HS6ST2: variants seen among roughly 807,000 people sequenced by gnomAD.
HS6ST2 encodes heparan sulfate 6-O-sulfotransferase 2.
In HS6ST2, 17 loss-of-function variants were observed where a neutral mutation model predicts 33.0. That is an observed-to-expected ratio of 0.52 (90% CI 0.35 to 0.77). The LOEUF (loss-of-function observed/expected upper bound fraction) is 0.77. Ranked by LOEUF, HS6ST2 falls within the 30% of genes least tolerant of loss-of-function variation. The pLI is 0.01. For synonymous variants in HS6ST2, 248 were observed against 237.1 expected, an observed-to-expected ratio of 1.05 and a Z score of -0.42; for missense variants, 519 against 551.7, an observed-to-expected ratio of 0.94 and a Z score of 0.59.
chrX:132,890,877 G>A (rs35115789), intron 2 of HS6ST2, among the ~76,000 whole-genome samples: 2,882 of 111,131 alleles, frequency 0.026, 115 homozygotes, highest in Admixed American at 0.17. Flanking sequence ...TATCTAAAAG[G>A]CCTAGTGCAT....
intron 2 of HS6ST2, among the ~76,000 whole-genome samples, chrX:132,814,364 T>A (rs1306021899): frequency 8.9e-6 from 1 of 112,139 alleles, no homozygotes; most frequent in East Asian, 2.8e-4. Flanking sequence ...TCAGTTTGAA[T>A]CTGGAGTCTG....
chrX:132,926,781 G>T (rs1388678334), intron 2 of HS6ST2, among the ~76,000 whole-genome samples: 1 of 111,198 alleles, frequency 9.0e-6, no homozygotes, highest in Non-Finnish European at 1.9e-5. Flanking sequence ...AAATTAGCTG[G>T]GCATGGTGGT....
At chrX:132,889,889 T>C (rs147861264) in intron 2 of HS6ST2, among the ~76,000 whole-genome samples, 50 of 111,778 alleles carry the variant, frequency 4.5e-4, no homozygotes, top group African/African-American at 1.6e-3. Flanking sequence ...CTTCAAACTA[T>C]ACTACAAGGC....
chrX:132,660,914 A>G (rs1569478493), intron 4 of HS6ST2, among the ~76,000 whole-genome samples: 3 of 112,058 alleles, frequency 2.7e-5, no homozygotes, highest in Admixed American at 1.9e-4. Context: ...GAAACTTACA[A>G]TCATGGTCTA....
At chrX:132,756,934 T>C (rs1010495658) in intron 2 of HS6ST2, among the ~76,000 whole-genome samples, 19 of 109,688 alleles carry the variant, frequency 1.7e-4, no homozygotes, top group African/African-American at 6.0e-4. Flanking sequence ...AAGGCTGATC[T>C]CACAGGGAGA....
intron 2 of HS6ST2, among the ~76,000 whole-genome samples, chrX:132,866,007 G>A (rs189743667): frequency 9.0e-6 from 1 of 111,664 alleles, no homozygotes; most frequent in Admixed American, 9.5e-5. Context: ...GTCAATTTTG[G>A]CTTTTGTTGC....
At chrX:132,670,635 TAAAAATAC>T (rs1235591452) in intron 3 of HS6ST2, among the ~76,000 whole-genome samples, 1 of 111,053 alleles carries the variant, frequency 9.0e-6, no homozygotes, top group Non-Finnish European at 1.9e-5. Flanking sequence ...CCATCTCTAC[TAAAAATAC>T]AAAAATAAAA....
chrX:132,705,549 G>A (rs1186894290), intron 3 of HS6ST2, among the ~76,000 whole-genome samples: 1 of 111,729 alleles, frequency 9.0e-6, no homozygotes, highest in Non-Finnish European at 1.9e-5. Flanking sequence ...AAAAACGATG[G>A]TAATAACCAC....
chrX:132,874,912 G>A (rs760716333), intron 2 of HS6ST2, among the ~76,000 whole-genome samples: 5 of 111,729 alleles, frequency 4.5e-5, no homozygotes, highest in Admixed American at 1.9e-4. Context: ...CTCTGGAAGG[G>A]GGGGGCGGCC....
intron 2 of HS6ST2, among the ~76,000 whole-genome samples, chrX:132,771,435 T>G (rs191918811): frequency 6.8e-4 from 76 of 111,646 alleles, no homozygotes; most frequent in African/African-American, 2.3e-3. Context: ...AAAATGTGAG[T>G]GAGAAAAGCA....
intron 2 of HS6ST2, among the ~76,000 whole-genome samples, chrX:132,943,551 AC>A (rs1447393179): frequency 3.6e-5 from 4 of 110,268 alleles, no homozygotes; most frequent in African/African-American, 6.6e-5. Context: ...GCAGAGACAC[AC>A]AAAAAAAGCG....
At chrX:132,777,038 C>T (rs964656537) in intron 2 of HS6ST2, among the ~76,000 whole-genome samples, 4 of 104,809 alleles carry the variant, frequency 3.8e-5, no homozygotes, top group African/African-American at 1.4e-4. Flanking sequence ...AATGGAAGGC[C>T]GTGGAAATGT....
intron 2 of HS6ST2, among the ~76,000 whole-genome samples, chrX:132,715,949 A>G (rs911690027): frequency 7.1e-5 from 8 of 112,519 alleles, no homozygotes; most frequent in African/African-American, 2.6e-4. Flanking sequence ...AATGCCTTAT[A>G]CCTGGATCGT....
chrX:132,861,173 C>T (rs753578059), intron 2 of HS6ST2, among the ~76,000 whole-genome samples: 12 of 111,707 alleles, frequency 1.1e-4, no homozygotes, highest in African/African-American at 3.2e-4. Context: ...CCATTATAAA[C>T]ATTTTCCATG....
At chrX:132,661,267 G>C (rs186590526) in intron 4 of HS6ST2, among the ~76,000 whole-genome samples, 20 of 108,161 alleles carry the variant, frequency 1.8e-4, no homozygotes, top group African/African-American at 6.7e-4. Flanking sequence ...TTTAGTCACA[G>C]ATAACAATCA....
chrX:132,675,692 A>T (rs1377170160), intron 3 of HS6ST2, among the ~76,000 whole-genome samples: 1 of 111,933 alleles, frequency 8.9e-6, no homozygotes, highest in East Asian at 2.8e-4. Context: ...TTGGTGTAAG[A>T]AGGACACTCT....
intron 2 of HS6ST2, among the ~76,000 whole-genome samples, chrX:132,890,755 C>T (rs1338050824): frequency 9.0e-6 from 1 of 111,011 alleles, no homozygotes; most frequent in African/African-American, 3.3e-5. Flanking sequence ...ATGCACAGCC[C>T]TAATGACAAT....
chrX:132,894,151 T>C (rs929868490), intron 2 of HS6ST2, among the ~76,000 whole-genome samples: 4 of 82,482 alleles, frequency 4.8e-5, no homozygotes, highest in African/African-American at 1.9e-4. Flanking sequence ...GGGGGGGAGG[T>C]GGGGAGAGAG....
chrX:132,762,503 T>G (rs764938945), intron 2 of HS6ST2, among the ~76,000 whole-genome samples: 1 of 112,459 alleles, frequency 8.9e-6, no homozygotes, highest in Admixed American at 9.4e-5. Flanking sequence ...ATACTGATTC[T>G]GAAATATTTA....
Sources: allele counts gnomAD v4.1 joint callset (sites outside exome capture counted in the v4.1 genomes callset), GRCh38; gene constraint gnomAD v4.1.1; transcripts MANE v1.5; gene names NCBI Gene and HGNC (gene_info 2026-07-23, HGNC 2026-07-21).